The following NRXN1 variants were observed in gnomAD, a reference collection of about 807,000 sequenced individuals.
NRXN1 encodes neurexin 1, also known as neurexin-1.
NRXN1 carries 39 observed loss-of-function variants against 150.9 expected under a neutral mutation model. That is an observed-to-expected ratio of 0.26 (90% CI 0.20 to 0.34). The LOEUF is 0.34. Among genes scored for constraint, NRXN1 ranks in the 10% least tolerant of loss-of-function variants. NRXN1 has a pLI of 1.00. For synonymous variants in NRXN1, 924 were observed against 757.0 expected, an observed-to-expected ratio of 1.22 and a Z score of -3.62; for missense variants, 1,815 against 1,949.9, an observed-to-expected ratio of 0.93 and a Z score of 1.30.
At chr2:50,811,728 T>C (rs1350762205) in intron 5 of NRXN1, among the ~76,000 whole-genome samples, 1 of 152,176 alleles carries the variant, frequency 6.6e-6, no homozygotes, top group Admixed American at 6.5e-5. Flanking sequence ...AATGTCTTTG[T>C]ATAAACTTTT....
At chr2:50,040,697 A>T (rs1690801142) in intron 21 of NRXN1, among the ~76,000 whole-genome samples, 2 of 152,166 alleles carry the variant, frequency 1.3e-5, no homozygotes, top group African/African-American at 4.8e-5. Context: ...AAAACAATGT[A>T]TCAATTATTC....
At chr2:49,948,743 A>G (rs1277064361) in intron 21 of NRXN1, among the ~76,000 whole-genome samples, 1 of 151,958 alleles carries the variant, frequency 6.6e-6, no homozygotes, top group African/African-American at 2.4e-5. Flanking sequence ...GTAGAAAGAA[A>G]CTCAAATATG....
At chr2:50,036,846 TTAGA>T (rs1690115537) in intron 21 of NRXN1, among the ~76,000 whole-genome samples, 1 of 152,166 alleles carries the variant, frequency 6.6e-6, no homozygotes, top group South Asian at 2.1e-4. Context: ...CTAATTCATC[TTAGA>T]TAGCCAGTCT....
At chr2:50,385,466 C>T (rs1257038179) in intron 17 of NRXN1, among the ~76,000 whole-genome samples, 2 of 152,206 alleles carry the variant, frequency 1.3e-5, no homozygotes, top group Non-Finnish European at 2.9e-5. Flanking sequence ...GTGACTTCTA[C>T]ATTAAGCTAA....
chr2:50,182,794 T>G (rs1232772332), intron 18 of NRXN1, among the ~76,000 whole-genome samples: 1 of 152,096 alleles, frequency 6.6e-6, no homozygotes, highest in Non-Finnish European at 1.5e-5. Flanking sequence ...AAGTTTAATA[T>G]TCTACATTTC....
intron 19 of NRXN1, among the ~76,000 whole-genome samples, chr2:50,073,316 G>A (rs1294417377): frequency 6.6e-6 from 1 of 152,146 alleles, no homozygotes; most frequent in African/African-American, 2.4e-5. Flanking sequence ...ACTCCATGCT[G>A]TATCCCTAGC....
chr2:50,516,507 C>T (rs1192235038), intron 12 of NRXN1, among the ~76,000 whole-genome samples: 1 of 152,156 alleles, frequency 6.6e-6, no homozygotes, highest in Non-Finnish European at 1.5e-5. Context: ...AGTATCCACA[C>T]TTAATGACAT....
At chr2:50,597,006 C>T (rs1272771055) in intron 8 of NRXN1, among the ~76,000 whole-genome samples, 1 of 151,914 alleles carries the variant, frequency 6.6e-6, no homozygotes, top group African/African-American at 2.4e-5. Flanking sequence ...GCACACGCCA[C>T]CATCCAGTTA....
At chr2:50,245,401 G>T (rs1339484483) in intron 17 of NRXN1, among the ~76,000 whole-genome samples, 1 of 151,930 alleles carries the variant, frequency 6.6e-6, no homozygotes, top group East Asian at 1.9e-4. Context: ...AAATGCTTAT[G>T]TCTTCCCTTC....
intron 18 of NRXN1, among the ~76,000 whole-genome samples, chr2:50,231,486 A>T (rs943362706): frequency 1.3e-5 from 2 of 152,102 alleles, no homozygotes; most frequent in South Asian, 2.1e-4. Flanking sequence ...ATCAAAAGGC[A>T]TATTTCTAAA....
At chr2:50,558,579 T>C (rs1382040598) in intron 8 of NRXN1, among the ~76,000 whole-genome samples, 1 of 152,224 alleles carries the variant, frequency 6.6e-6, no homozygotes, top group African/African-American at 2.4e-5. Flanking sequence ...AGTCCAGTTA[T>C]AGCAGAGGGC....
chr2:50,728,802 A>G (rs1338440186), intron 5 of NRXN1, among the ~76,000 whole-genome samples: 1 of 152,162 alleles, frequency 6.6e-6, no homozygotes, highest in East Asian at 1.9e-4. Flanking sequence ...CTAAATAAGC[A>G]GTATTTTATT....
chr2:50,722,849 C>G (rs1490167882), intron 5 of NRXN1, among the ~76,000 whole-genome samples: 1 of 152,064 alleles, frequency 6.6e-6, no homozygotes, highest in Non-Finnish European at 1.5e-5. Flanking sequence ...CTACAAATAC[C>G]TCACTCATAA....
chr2:50,566,557 C>T (rs1031945968), intron 8 of NRXN1, among the ~76,000 whole-genome samples: 4 of 151,890 alleles, frequency 2.6e-5, no homozygotes, highest in African/African-American at 9.7e-5. Flanking sequence ...GCCCAGCCAT[C>T]ATGTTAATAT....
chr2:50,293,185 T>C (rs897700181), intron 17 of NRXN1, among the ~76,000 whole-genome samples: 3 of 152,190 alleles, frequency 2.0e-5, no homozygotes, highest in African/African-American at 7.2e-5. Context: ...CTCATTGTCC[T>C]GCATAGAACT....
chr2:50,285,284 A>G (rs2071991165), intron 17 of NRXN1, among the ~76,000 whole-genome samples: 1 of 152,120 alleles, frequency 6.6e-6, no homozygotes, highest in African/African-American at 2.4e-5. Context: ...TTATTTATTC[A>G]TTCATTCATT....
intron 2 of NRXN1, among the ~76,000 whole-genome samples, chr2:50,998,166 T>C (rs1457928868): frequency 7.1e-6 from 1 of 141,572 alleles, no homozygotes; most frequent in Non-Finnish European, 1.5e-5. Context: ...TTAACTACAA[T>C]ACAGTACTAA....
At chr2:50,650,192 C>A (rs1277089596) in intron 5 of NRXN1, among the ~76,000 whole-genome samples, 1 of 152,032 alleles carries the variant, frequency 6.6e-6, no homozygotes, top group Non-Finnish European at 1.5e-5. Flanking sequence ...TAGGAAAATG[C>A]TTCTGATACT....
intron 2 of NRXN1, among the ~76,000 whole-genome samples, chr2:51,010,969 C>T (rs753456750): frequency 2.0e-5 from 3 of 151,772 alleles, no homozygotes; most frequent in African/African-American, 7.3e-5. Context: ...GTTTTTGTAT[C>T]GCGCTTTTTG....
Sources: allele counts gnomAD v4.1 joint callset (sites outside exome capture counted in the v4.1 genomes callset), GRCh38; gene constraint gnomAD v4.1.1; transcripts MANE v1.5; gene names NCBI Gene and HGNC (gene_info 2026-07-23, HGNC 2026-07-21).